Variants in ZBTB46 observed in about 807,000 individuals in gnomAD.
The protein encoded by ZBTB46 is zinc finger and BTB domain containing 46.
ZBTB46 carries 8 observed loss-of-function variants against 44.1 expected under a neutral mutation model. That is an observed-to-expected ratio of 0.18 (90% confidence interval 0.11 to 0.33). The LOEUF is 0.33. Among genes scored for constraint, ZBTB46 ranks in the 10% least tolerant of loss-of-function variants. The pLI is 1.00. For synonymous variants in ZBTB46, 409 were observed against 382.3 expected, an observed-to-expected ratio of 1.07 and a Z score of -0.81; for missense variants, 651 against 847.7, an observed-to-expected ratio of 0.77 and a Z score of 2.88.
chr20:63,768,974 C>A (rs2092344086), intron 3 of ZBTB46, among the ~76,000 whole-genome samples: 1 of 152,212 alleles, frequency 6.6e-6, no homozygotes, highest in Admixed American at 6.5e-5. Flanking sequence ...AATATAAAAA[C>A]CAATTCAACT....
At chr20:63,815,750 G>A (rs538994499) in intron 1 of ZBTB46, among the ~76,000 whole-genome samples, 2 of 150,598 alleles carry the variant, frequency 1.3e-5, no homozygotes, top group African/African-American at 4.9e-5. Context: ...GGTGAGCACA[G>A]GTGCAGTGGG....
chr20:63,800,218 C>T (rs1302223863), intron 1 of ZBTB46, among the ~76,000 whole-genome samples: 1 of 152,218 alleles, frequency 6.6e-6, no homozygotes, highest in Non-Finnish European at 1.5e-5. Flanking sequence ...GATTATCCCA[C>T]AGTTACGCTG....
intron 1 of ZBTB46, among the ~76,000 whole-genome samples, chr20:63,820,303 G>A (rs923066366): frequency 1.3e-5 from 2 of 152,006 alleles, no homozygotes; most frequent in East Asian, 3.9e-4. Context: ...GTTCCACTAT[G>A]TTAGCCAGGA....
At chr20:63,810,387 G>T (rs548705886) in intron 1 of ZBTB46, among the ~76,000 whole-genome samples, 1 of 152,152 alleles carries the variant, frequency 6.6e-6, no homozygotes, top group Non-Finnish European at 1.5e-5. Flanking sequence ...AGCCCAGCTG[G>T]TCGTGTCTGC....
Position 63,825,400 on chromosome 20 carries a change from C to CAAA in ZBTB46, c.-34+5694_-34+5696dup, listed in dbSNP as rs768780388. Among the ~76,000 whole-genome samples, 17 of 66,806 alleles carry CAAA rather than the reference C, an allele frequency of 2.5e-4. No individual in the cohort carries two copies. In the East Asian group the frequency reaches 3.0e-3, roughly 12 times the overall value. The allele number at this position is 66,806 out of a possible 152,430, so 43.8% of individuals were successfully genotyped here. On this transcript the variant is annotated intron_variant, in intron 1 of 4. Transcript: ENST00000245663. ...TGGGGGACAGAACAAGACTCCGTCT[C>CAAA]AAAAAAAAAAAAAAAAACCCTCCCT...
chr20:63,806,959 T>A (rs2092685541), intron 1 of ZBTB46, among the ~76,000 whole-genome samples: 1 of 152,136 alleles, frequency 6.6e-6, no homozygotes, highest in Non-Finnish European at 1.5e-5. Flanking sequence ...ATTTTTTGTA[T>A]TTTTAGTAGA....
chr20:63,772,758 CACA>C (rs752326906), intron 3 of ZBTB46, among the ~76,000 whole-genome samples: 24 of 69,526 alleles, frequency 3.5e-4, no homozygotes, highest in Non-Finnish European at 6.9e-4. Context: ...CACACACACA[CACA>C]CACACAGAAG....
intron 1 of ZBTB46, among the ~76,000 whole-genome samples, chr20:63,823,839 C>T (rs4809366): frequency 7.1e-6 from 1 of 140,218 alleles, no homozygotes; most frequent in African/African-American, 2.6e-5. Flanking sequence ...CCTGTCCTGA[C>T]CTTTGTCCTC....
chr20:63,796,564 G>A (rs1479699631), intron 1 of ZBTB46, among the ~76,000 whole-genome samples: 1 of 152,224 alleles, frequency 6.6e-6, no homozygotes, highest in Non-Finnish European at 1.5e-5. Flanking sequence ...GGTGGCGCAC[G>A]CCTGTCATCC....
chr20:63,815,586 ACAGGTGCAGTGGGTG>A (rs1413783022), intron 1 of ZBTB46, among the ~76,000 whole-genome samples: 2 of 120,420 alleles, frequency 1.7e-5, no homozygotes, highest in East Asian at 3.0e-4. Context: ...GCAGGTGAGC[ACAGGTGCAGTGGGTG>A]CAGGTGGGCA....
chr20:63,768,112 C>G, intron 3 of ZBTB46: 1 of 985,452 alleles, frequency 1.0e-6, no homozygotes, highest in African/African-American at 1.7e-5. Flanking sequence ...AGCCTGTCAA[C>G]AGCCATCTGG....
At chr20:63,817,715 CAAAA>C (rs3068855) in intron 1 of ZBTB46, among the ~76,000 whole-genome samples, 2 of 78,780 alleles carry the variant, frequency 2.5e-5, no homozygotes, top group Non-Finnish European at 2.6e-5. Flanking sequence ...GACTCTGTCT[CAAAA>C]AAAAAAAAAA....
chr20:63,824,402 C>T lies in ZBTB46; in HGVS notation c.-34+6695G>A, dbSNP rs932097507. 4.6e-5 allele frequency among the ~76,000 whole-genome samples: 7 copies of T among 152,152 alleles called. No homozygotes were observed. The East Asian group carries it at 1.2e-3, about 25-fold the overall frequency. The stretch of plus-strand genomic sequence containing the variant: ...TAATTTAAATGGCATGGAAAGAGAA[C>T]ACCCATTTTATTCAAATAGGGCCAC... On this transcript the variant is annotated intron_variant, in intron 1 of 4. Coordinates refer to ENST00000245663, the MANE Select transcript of ZBTB46 (RefSeq NM_001369741.1).
chr20:63,748,832 C>G (rs1020964449), intron 4 of ZBTB46, among the ~76,000 whole-genome samples: 5 of 152,250 alleles, frequency 3.3e-5, no homozygotes, highest in African/African-American at 1.2e-4. Context: ...ATTCCAAACT[C>G]ACCAGTTTTC....
chr20:63,830,055 G>A (rs554324664), intron 1 of ZBTB46, among the ~76,000 whole-genome samples: 1 of 152,358 alleles, frequency 6.6e-6, no homozygotes, highest in Admixed American at 6.5e-5. Context: ...AGCACGGAAA[G>A]CGAGAGAGGA....
chr20:63,816,802 TAAAAG>T (rs918671939), intron 1 of ZBTB46, among the ~76,000 whole-genome samples: 12 of 152,090 alleles, frequency 7.9e-5, no homozygotes, highest in Middle Eastern at 3.4e-3. Context: ...CCAGCTTCCT[TAAAAG>T]AAAAGGAAAA....
chr20:63,825,363 T>C (rs1188927116), intron 1 of ZBTB46, among the ~76,000 whole-genome samples: 9 of 142,288 alleles, frequency 6.3e-5, no homozygotes, highest in Non-Finnish European at 9.0e-5. Context: ...ATCTCGTCAC[T>C]GCACTCCAGC....
chr20:63,754,283 G>A (rs1229379566), intron 3 of ZBTB46, among the ~76,000 whole-genome samples: 1 of 152,110 alleles, frequency 6.6e-6, no homozygotes, highest in East Asian at 1.9e-4. Flanking sequence ...TCTCCTCCGT[G>A]AGTCAGTAAC....
At chr20:63,804,709 T>TG (rs1344180649) in intron 1 of ZBTB46, among the ~76,000 whole-genome samples, 1 of 151,730 alleles carries the variant, frequency 6.6e-6, no homozygotes, top group African/African-American at 2.4e-5. Context: ...CTGGCCAACA[T>TG]GGTGAAACCC....
Sources: allele counts gnomAD v4.1 joint callset (sites outside exome capture counted in the v4.1 genomes callset), GRCh38; gene constraint gnomAD v4.1.1; transcripts MANE v1.5; gene names NCBI Gene and HGNC (gene_info 2026-07-23, HGNC 2026-07-21).